The following SEMA3D variants were observed in gnomAD, a reference collection of about 807,000 sequenced individuals.
The protein encoded by SEMA3D is semaphorin-3D.
In SEMA3D, 84 loss-of-function variants were observed where a neutral mutation model predicts 100.1. The observed-to-expected ratio is 0.84, with a 90% CI of 0.70 to 1.01. The LOEUF is 1.01. Ranked by LOEUF, SEMA3D falls within the 50% of genes least tolerant of loss-of-function variation. SEMA3D has a pLI of 0.00. For missense variants in SEMA3D, 875 were observed against 934.1 expected, an observed-to-expected ratio of 0.94 and a Z score of 0.82; for synonymous variants, 312 against 320.7, an observed-to-expected ratio of 0.97 and a Z score of 0.29.
intron 18 of SEMA3D, among the ~76,000 whole-genome samples, chr7:85,001,526 G>A (rs10278064): frequency 0.025 from 3,853 of 152,144 alleles, 177 homozygotes; most frequent in African/African-American, 0.088. Context: ...AATACACTAC[G>A]TATAATTGTT....
the SEMA3D span, among the ~76,000 whole-genome samples, chr7:85,222,917 AAT>A: frequency 6.6e-6 from 1 of 152,154 alleles, no homozygotes; most frequent in Non-Finnish European, 1.5e-5. Context: ...ACAAAGGACT[AAT>A]ATCCAGAATC....
At chr7:85,218,674 T>C in the SEMA3D span, among the ~76,000 whole-genome samples, 11 of 152,234 alleles carry the variant, frequency 7.2e-5, no homozygotes, top group Non-Finnish European at 1.6e-4. Context: ...CCATTTACTT[T>C]AAAGAAAAAT....
the SEMA3D span, among the ~76,000 whole-genome samples, chr7:85,222,697 G>C: frequency 6.6e-6 from 1 of 152,076 alleles, no homozygotes; most frequent in African/African-American, 2.4e-5. Context: ...GTCTTTAGCA[G>C]AGATACTATA....
chr7:85,202,886 A>C, the SEMA3D span, among the ~76,000 whole-genome samples: 2 of 152,204 alleles, frequency 1.3e-5, no homozygotes, highest in Non-Finnish European at 2.9e-5. Flanking sequence ...ATAGTAGAAC[A>C]AAAGATACTA....
chr7:85,062,600 A>G (rs1022149419), intron 8 of SEMA3D, among the ~76,000 whole-genome samples: 2 of 152,238 alleles, frequency 1.3e-5, no homozygotes, highest in Non-Finnish European at 2.9e-5. Flanking sequence ...AACAAGATCT[A>G]TAACATTCAC....
chr7:85,029,983 T>TA (rs537086440), intron 12 of SEMA3D, among the ~76,000 whole-genome samples: 9 of 150,866 alleles, frequency 6.0e-5, no homozygotes, highest in East Asian at 1.9e-4. Flanking sequence ...CACCCCTGAA[T>TA]AAAAAAAAAG....
In SEMA3D at chr7:85,101,487, A is replaced by G. The variant is rs559804129; in HGVS notation, c.152-3522T>C. On this transcript the variant is annotated intron_variant, in intron 3 of 18. Transcript: ENST00000284136. ...TCCCAACTCACTGGCTATGCAATCT[A>G]GAATGAGTCACTTAACCTCTCTGTG... Among the ~76,000 whole-genome samples the G allele has an allele frequency of 4.2e-4, 64 of 152,138 alleles. No individual in the cohort carries two copies. In the South Asian group the frequency reaches 0.013, roughly 31 times the overall value.
chr7:85,067,041 T>C (rs1791648583), intron 7 of SEMA3D, among the ~76,000 whole-genome samples: 1 of 152,112 alleles, frequency 6.6e-6, no homozygotes, highest in South Asian at 2.1e-4. Flanking sequence ...AATATTTCAT[T>C]GTGGGCATAT....
At chr7:85,132,418 G>C (rs1033046968) in intron 2 of SEMA3D, among the ~76,000 whole-genome samples, 1 of 151,794 alleles carries the variant, frequency 6.6e-6, no homozygotes, top group Non-Finnish European at 1.5e-5. Flanking sequence ...TTCAGATCTT[G>C]AACATGCCAG....
At chr7:85,128,581 A>C (rs1476501482) in intron 2 of SEMA3D, among the ~76,000 whole-genome samples, 1 of 152,054 alleles carries the variant, frequency 6.6e-6, no homozygotes, top group Non-Finnish European at 1.5e-5. Flanking sequence ...ATATCCAAAA[A>C]TTTTAATTTA....
chr7:85,135,878 A>T (rs971482766), intron 2 of SEMA3D, among the ~76,000 whole-genome samples: 2 of 151,728 alleles, frequency 1.3e-5, no homozygotes, highest in Non-Finnish European at 2.9e-5. Context: ...TGAATTGTTG[A>T]GTTGTATCCA....
chr7:85,083,895 C>A (rs957406673), intron 4 of SEMA3D, among the ~76,000 whole-genome samples: 1 of 148,406 alleles, frequency 6.7e-6, no homozygotes. Context: ...CGCCTCTAAT[C>A]CCAGCACTTT....
intron 3 of SEMA3D, among the ~76,000 whole-genome samples, chr7:85,118,019 C>A (rs1789295601): frequency 6.6e-6 from 1 of 151,842 alleles, no homozygotes; most frequent in East Asian, 1.9e-4. Flanking sequence ...GATATGGCTC[C>A]AGTTTAATGG....
rs565815053 is a variant in SEMA3D, at chr7:85,028,540, A to T, written c.1192-5927T>A. 3.1e-5 allele frequency: 10 copies of T among 319,340 alleles called. 1 individual carries two copies. Among genetic ancestry groups the T allele is most frequent in the South Asian group, 3.1e-4 (10 of 31,962 alleles). The allele number at this position is 319,340 out of a possible 1,614,324, so 19.8% of individuals were successfully genotyped here. On this transcript the variant is annotated intron_variant, in intron 12 of 18. Transcript: ENST00000284136. ...TAGGTGGAGAGGACTTTCACAACTG[A>T]AATGTCAACCATTTTACTGGTGAGT...
intron 4 of SEMA3D, among the ~76,000 whole-genome samples, chr7:85,088,566 T>C (rs1003074248): frequency 1.3e-5 from 2 of 152,170 alleles, no homozygotes; most frequent in African/African-American, 4.8e-5. Flanking sequence ...ATACAAGGAT[T>C]TGAACAACTA....
the SEMA3D span, among the ~76,000 whole-genome samples, chr7:85,245,983 CAAAT>C: frequency 2.0e-5 from 3 of 151,894 alleles, no homozygotes; most frequent in East Asian, 1.9e-4. Context: ...GCAAAACAAA[CAAAT>C]AAAAAATCTA....
At chr7:85,110,659 A>G (rs1428915447) in intron 3 of SEMA3D, among the ~76,000 whole-genome samples, 1 of 152,032 alleles carries the variant, frequency 6.6e-6, no homozygotes, top group African/African-American at 2.4e-5. Flanking sequence ...AATCTCATCA[A>G]TACTGTCTTC....
At chr7:85,157,855 A>G (rs1790642208) in intron 1 of SEMA3D, among the ~76,000 whole-genome samples, 2 of 152,158 alleles carry the variant, frequency 1.3e-5, no homozygotes. Flanking sequence ...AGAAGAACAT[A>G]AATTGTGAAG....
At chr7:85,083,889 T>C (rs925922441) in intron 4 of SEMA3D, among the ~76,000 whole-genome samples, 26 of 147,060 alleles carry the variant, frequency 1.8e-4, no homozygotes, top group African/African-American at 6.6e-4. Context: ...GGCTCACGCC[T>C]CTAATCCCAG....
Sources: allele counts gnomAD v4.1 joint callset (sites outside exome capture counted in the v4.1 genomes callset), GRCh38; gene constraint gnomAD v4.1.1; transcripts MANE v1.5; gene names NCBI Gene and HGNC (gene_info 2026-07-23, HGNC 2026-07-21).